SLC29A3: variants seen among roughly 807,000 people sequenced by gnomAD.
The protein encoded by SLC29A3 is equilibrative nucleoside transporter 3.
Under a neutral mutation model 25.4 loss-of-function variants are expected in SLC29A3, and 18 were observed. That is an observed-to-expected ratio of 0.71 (90% CI 0.49 to 1.05). SLC29A3 has a LOEUF of 1.05. Among genes scored for constraint, SLC29A3 ranks in the 50% least tolerant of loss-of-function variants. The probability of loss-of-function intolerance (pLI) is 0.00; values close to 1 mark genes in which losing one functional copy is unlikely to be tolerated. For synonymous variants in SLC29A3, 258 were observed against 267.1 expected (o/e 0.97, Z 0.33); for missense variants, 586 against 609.0 (o/e 0.96, Z 0.40).
At chr10:71,335,891 G>A (rs936940420) in intron 2 of SLC29A3, among the ~76,000 whole-genome samples, 3 of 152,118 alleles carry the variant, frequency 2.0e-5, no homozygotes, top group Non-Finnish European at 4.4e-5. Flanking sequence ...AGGAAACGAA[G>A]GATGGAGCTC....
At chr10:71,374,817 T>G (rs1225069886) in intron 3 of SLC29A3, among the ~76,000 whole-genome samples, 2 of 152,180 alleles carry the variant, frequency 1.3e-5, no homozygotes, top group African/African-American at 4.8e-5. Flanking sequence ...ATCCCCTTCC[T>G]ATTCAGACAC....
rs556688985 is a variant in SLC29A3, at chr10:71,362,100, G to T, written c.920G>T (p.Ser307Ile). Residue 307 changes from serine (S) to isoleucine (I), a missense_variant, in exon 6 of 6, where the codon AGC (serine) becomes ATC (isoleucine). By Grantham distance (142) the Ser-to-Ile change is moderately radical. Coordinates refer to ENST00000373189, the MANE Select transcript of SLC29A3 (RefSeq NM_018344.6). The stretch of plus-strand genomic sequence containing the variant: ...CGCCCCATCCTGAAGAAGACGGCCA[G>T]CCTGGGCTTCTGTGTCACCTACGTC... ...PLRPILKKTA[S>I]LGFCVTYVFF... The T allele has an allele frequency of 6.2e-7, 1 of 1,614,098 alleles. No homozygotes were observed. The highest frequency in any genetic ancestry group is 8.5e-7 in the Non-Finnish European group (1 of 1,180,018).
At chr10:71,319,394 T>G in intron 1 of SLC29A3, 84 bp downstream of exon 1, 1 of 565,386 alleles carries the variant, frequency 1.8e-6, no homozygotes, top group Non-Finnish European at 3.1e-6. Context: ...TCCCGGGCCC[T>G]GGGGGCGGCT....
At chr10:71,374,852 C>T (rs935862112) in intron 3 of SLC29A3, among the ~76,000 whole-genome samples, 1 of 152,274 alleles carries the variant, frequency 6.6e-6, no homozygotes, top group African/African-American at 2.4e-5. Flanking sequence ...GAGACTGGTC[C>T]AGAAATGGGG....
intron 2 of SLC29A3, among the ~76,000 whole-genome samples, chr10:71,330,847 T>TC (rs3837344): frequency 6.6e-6 from 1 of 152,128 alleles, no homozygotes; most frequent in Non-Finnish European, 1.5e-5. Flanking sequence ...GCTTTTTTTT[T>TC]CATGATCTTT....
intron 4 of SLC29A3, 58 bp from the exon 5 acceptor site, chr10:71,356,023 G>A (rs543866104): frequency 1.0e-5 from 16 of 1,590,286 alleles, no homozygotes; most frequent in African/African-American, 8.0e-5. Flanking sequence ...GGAGGGGCCC[G>A]CAGCCACTCC....
At chr10:71,323,172 G>C in intron 2 of SLC29A3, 118 bp downstream of exon 2, 1 of 1,362,882 alleles carries the variant, frequency 7.3e-7, no homozygotes, top group Non-Finnish European at 1.0e-6. Context: ...TTACTGTTTA[G>C]CTTGGGAAGA....
chr10:71,326,490 C>G (rs560139732), intron 2 of SLC29A3, among the ~76,000 whole-genome samples: 1 of 152,216 alleles, frequency 6.6e-6, no homozygotes, highest in African/African-American at 2.4e-5. Flanking sequence ...GTGACTCCAA[C>G]GTCCCAGCTT....
At chr10:71,381,317 T>G (rs1847301943) in exon 5 of SLC29A3, 1 of 152,210 alleles carries the variant, frequency 6.6e-6, no homozygotes, top group Admixed American at 6.5e-5. Context: ...CTGTACCATC[T>G]TCTCAATTTT....
intron 2 of SLC29A3, among the ~76,000 whole-genome samples, chr10:71,339,577 TGTGGATGGGATGGACAAC>T (rs1229637947): frequency 1.3e-4 from 20 of 152,106 alleles, no homozygotes; most frequent in Non-Finnish European, 7.4e-5. Context: ...CCAGCCCTCC[TGTGGATGGGATGGACAAC>T]ACAGTGTGGT....
At chr10:71,364,014 G>T (rs116821634), downstream of SLC29A3, among the ~76,000 whole-genome samples, 2,532 of 151,998 alleles carry the variant, frequency 0.017, 43 homozygotes, top group African/African-American at 0.043. Context: ...CTAGAACCTA[G>T]GGAGTGACTT....
chr10:71,363,807 TC>T (rs1336242624), downstream of SLC29A3, among the ~76,000 whole-genome samples: 10 of 67,546 alleles, frequency 1.5e-4, no homozygotes, highest in East Asian at 3.7e-4. Flanking sequence ...TTTTCCTTTT[TC>T]TTTTCTTTTT....
chr10:71,362,322 G>C lies in SLC29A3; in HGVS notation c.1142G>C (p.Gly381Ala), dbSNP rs1835368591. 6.2e-7 allele frequency: 1 copy of C among 1,614,116 alleles called. No homozygotes were observed. Among genetic ancestry groups the C allele is most frequent in the Non-Finnish European group, 8.5e-7 (1 of 1,180,028 alleles). The change falls in exon 6 of 6, where the codon GGG becomes GCG. Residue 381 changes from glycine to alanine, a missense_variant. Gly to Ala is a moderately conservative substitution (Grantham distance 60). Coordinates refer to ENST00000373189, the MANE Select transcript of SLC29A3 (RefSeq NM_018344.6). ...GGGCCCAATAGCAAGGCGCTCCCAG[G>C]GTTCGTGCTCCTCCGGACCTGCCTC... The part of the protein sequence containing the change: ...VPGPNSKALP[G>A]FVLLRTCLIP...
chr10:71,345,546 C>T (rs1433947838), intron 3 of SLC29A3, among the ~76,000 whole-genome samples: 1 of 152,212 alleles, frequency 6.6e-6, no homozygotes, highest in African/African-American at 2.4e-5. Context: ...TTCAAGGGGA[C>T]ATAGATCCCA....
At chr10:71,338,648 T>G (rs1846315105) in intron 2 of SLC29A3, among the ~76,000 whole-genome samples, 1 of 151,972 alleles carries the variant, frequency 6.6e-6, no homozygotes, top group African/African-American at 2.4e-5. Flanking sequence ...TCCCAGCTAC[T>G]CGGGAGGCTG....
rs556919886 is a variant in SLC29A3 at position 71,343,707 on chromosome 10, C to T, written c.301-502C>T. Among the ~76,000 whole-genome samples, 13 of 152,218 alleles carry T rather than the reference C, an allele frequency of 8.5e-5. No homozygotes were observed. In the South Asian group the frequency reaches 1.2e-3, roughly 15 times the overall value. The stretch of plus-strand genomic sequence containing the variant: ...TCATGCCTGTAATACCAGCACTTTG[C>T]GGGGCCAAGGCGAGAGGATCACTTG... On this transcript the variant is annotated intron_variant, in intron 2 of 5. Transcript: ENST00000373189.
intron 3 of SLC29A3, among the ~76,000 whole-genome samples, chr10:71,374,603 G>A (rs1323919069): frequency 3.9e-5 from 6 of 152,236 alleles, no homozygotes; most frequent in African/African-American, 1.4e-4. Flanking sequence ...AATGTTGCCT[G>A]CCCCTGTCCC....
intron 4 of SLC29A3, among the ~76,000 whole-genome samples, chr10:71,352,171 C>T (rs1846783374): frequency 6.6e-6 from 1 of 152,110 alleles, no homozygotes; most frequent in South Asian, 2.1e-4. Context: ...CAAATGGCAA[C>T]TTTGACTTCC....
Position 71,322,867 on chromosome 10 carries a change from G to T in SLC29A3, c.113G>T (p.Arg38Leu). 1 of 1,614,174 alleles carries T rather than the reference G, an allele frequency of 6.2e-7. No individual in the cohort carries two copies. Among genetic ancestry groups the T allele is most frequent in the South Asian group, 1.1e-5 (1 of 91,088 alleles). Residue 38 changes from arginine to leucine, a missense_variant, in exon 2 of 6, where the codon CGC becomes CTC. Arg to Leu is a moderately radical substitution (Grantham distance 102). Coordinates refer to ENST00000373189, the MANE Select transcript of SLC29A3 (RefSeq NM_018344.6). ...GCACTGCTTGAGAAGCTGCTGGACC[G>T]CCCGCCCCCTGGCCTGCAGAGGCCC... ...QEALLEKLLD[R>L]PPPGLQRPED...
Sources: allele counts gnomAD v4.1 joint callset (sites outside exome capture counted in the v4.1 genomes callset), GRCh38; gene constraint gnomAD v4.1.1; transcripts MANE v1.5; gene names NCBI Gene and HGNC (gene_info 2026-07-23, HGNC 2026-07-21).